The following FBXW7 variants were observed in gnomAD, a reference collection of about 807,000 sequenced individuals.
The protein encoded by FBXW7 is F-box/WD repeat-containing protein 7.
A neutral mutation model predicts 86.3 loss-of-function variants in FBXW7; 11 were observed. The observed-to-expected ratio is 0.13, with a 90% CI of 0.08 to 0.21. The LOEUF (loss-of-function observed/expected upper bound fraction) is 0.21. FBXW7 is among the 10% of genes least tolerant of loss of function. The pLI is 1.00. For synonymous variants in FBXW7, 313 were observed against 297.9 expected, an observed-to-expected ratio of 1.05 and a Z score of -0.52; for missense variants, 488 against 847.4, an observed-to-expected ratio of 0.58 and a Z score of 5.27.
At chr4:152,521,809 A>ATTTTTTT (rs575881137) in intron 2 of FBXW7, among the ~76,000 whole-genome samples, 2 of 100,694 alleles carry the variant, frequency 2.0e-5, no homozygotes, top group Non-Finnish European at 3.7e-5. Context: ...TAAGGGTCCA[A>ATTTTTTT]TTTTTTTTTT....
chr4:152,350,615 G>A (rs1477743888), intron 4 of FBXW7, among the ~76,000 whole-genome samples: 4 of 151,718 alleles, frequency 2.6e-5, no homozygotes, highest in Non-Finnish European at 5.9e-5. Flanking sequence ...CATTATAAGA[G>A]GGTAAAGAGC....
chr4:152,418,431 G>T (rs1048743364), intron 2 of FBXW7, among the ~76,000 whole-genome samples: 1 of 152,056 alleles, frequency 6.6e-6, no homozygotes, highest in African/African-American at 2.4e-5. Context: ...TGTTTCTATT[G>T]CTGTTTGGGC....
chr4:152,475,016 C>G (rs1744269737), intron 2 of FBXW7, among the ~76,000 whole-genome samples: 1 of 151,966 alleles, frequency 6.6e-6, no homozygotes, highest in African/African-American at 2.4e-5. Flanking sequence ...GTGGGAGAAT[C>G]ACTTGAACCC....
intron 7 of FBXW7, 38 bp downstream of exon 7, chr4:152,337,764 A>T (rs866930662): frequency 1.9e-6 from 3 of 1,580,266 alleles, no homozygotes; most frequent in African/African-American, 1.4e-5. Flanking sequence ...TATATATTCA[A>T]ATAACACCCA....
At chr4:152,462,679 CA>C (rs1352301828) in intron 2 of FBXW7, among the ~76,000 whole-genome samples, 14 of 152,206 alleles carry the variant, frequency 9.2e-5, no homozygotes, top group African/African-American at 3.1e-4. Context: ...GGTTACTTTC[CA>C]TGGCTTTTAA....
At chr4:152,478,125 T>C (rs528171195) in intron 2 of FBXW7, among the ~76,000 whole-genome samples, 1 of 152,134 alleles carries the variant, frequency 6.6e-6, no homozygotes, top group Non-Finnish European at 1.5e-5. Context: ...GACAATTCAG[T>C]AGCATTGAGT....
intron 2 of FBXW7, among the ~76,000 whole-genome samples, chr4:152,520,152 G>A (rs956480799): frequency 2.0e-5 from 3 of 152,068 alleles, no homozygotes; most frequent in African/African-American, 2.4e-5. Flanking sequence ...AATCATTACC[G>A]GCCGGGCGCG....
chr4:152,382,173 A>G, intron 4 of FBXW7: 1 of 1,511,036 alleles, frequency 6.6e-7, no homozygotes, highest in Non-Finnish European at 8.9e-7. Context: ...ATATTTTTCA[A>G]ATGTGTGAGA....
chr4:152,505,418 G>A (rs1443964384), intron 2 of FBXW7, among the ~76,000 whole-genome samples: 1 of 151,794 alleles, frequency 6.6e-6, no homozygotes, highest in East Asian at 1.9e-4. Context: ...TTAATTTTTT[G>A]CCTGTTTTGT....
chr4:152,381,683 T>G (rs760492523), intron 4 of FBXW7, among the ~76,000 whole-genome samples: 4 of 152,210 alleles, frequency 2.6e-5, no homozygotes, highest in Middle Eastern at 3.4e-3. Context: ...AGCATGCTAT[T>G]TTTATTTTAT....
rs1746932257 is a variant in FBXW7, at chr4:152,501,363, CTCATA to C, written c.-120+33573_-120+33577del. ...AAGTTTTCAGACATCTCCTTATATT[CTCATA>C]TCATGAGATCAAGACAGAATGAAAT... On this transcript the variant is annotated intron_variant, in intron 2 of 13. Transcript: ENST00000281708. Among the ~76,000 whole-genome samples the C allele has an allele frequency of 2.0e-5, 3 of 152,286 alleles. No individual in the cohort carries two copies. In the South Asian group the frequency reaches 6.2e-4, roughly 32 times the overall value.
At chr4:152,345,125 AT>A (rs1731130362) in intron 6 of FBXW7, among the ~76,000 whole-genome samples, 1 of 152,020 alleles carries the variant, frequency 6.6e-6, no homozygotes, top group Non-Finnish European at 1.5e-5. Context: ...TCTTTAAATT[AT>A]TTTTTTAAGG....
At chr4:152,434,597 A>G (rs924583575) in intron 2 of FBXW7, among the ~76,000 whole-genome samples, 8 of 152,118 alleles carry the variant, frequency 5.3e-5, no homozygotes, top group Non-Finnish European at 1.2e-4. Flanking sequence ...TTATAAAGAG[A>G]AAAGAGAGGT....
chr4:152,411,153 T>G, intron 4 of FBXW7, 150 bp downstream of exon 4: 1 of 1,175,720 alleles, frequency 8.5e-7, no homozygotes, highest in Non-Finnish European at 1.1e-6. Context: ...TACTTTCCAT[T>G]ACCTTCTGTA....
chr4:152,365,311 G>A (rs1733376928), intron 4 of FBXW7, among the ~76,000 whole-genome samples: 1 of 152,114 alleles, frequency 6.6e-6, no homozygotes, highest in Non-Finnish European at 1.5e-5. Context: ...AGCTAATGCT[G>A]CATAGTAGTT....
At chr4:152,511,777 C>T (rs771783085) in intron 2 of FBXW7, among the ~76,000 whole-genome samples, 1 of 152,102 alleles carries the variant, frequency 6.6e-6, no homozygotes, top group Admixed American at 6.6e-5. Context: ...AGTATGTATA[C>T]TACGCTTTTC....
Position 152,322,045 on chromosome 4 carries a change from AAAAAT to A in FBXW7, c.*831_*835del, listed in dbSNP as rs1247836735. ...TGGGACTAAAACGTCACAGCAGAAA[AAAAAT>A]AAAAAAAAATAATTTGCTTTTTTCT... On this transcript the variant is annotated 3_prime_UTR_variant, in exon 14 of 14. Coordinates refer to ENST00000281708, the MANE Select transcript of FBXW7 (RefSeq NM_001349798.2). 1 of 233,040 alleles carries A rather than the reference AAAAAT, an allele frequency of 4.3e-6. No individual in the cohort carries two copies. The highest frequency in any genetic ancestry group is 6.0e-5 in the East Asian group (1 of 16,564). The allele number at this position is 233,040 out of a possible 1,614,324, so 14.4% of individuals were successfully genotyped here. A position where few individuals can be genotyped will look rare whatever the true frequency, so the allele number is the denominator to read the frequency against.
rs142098860 is a variant in FBXW7 at position 152,478,870 on chromosome 4, C to G, written c.-120+56071G>C. Among the ~76,000 whole-genome samples the G allele has an allele frequency of 1.7e-3, 256 of 152,198 alleles. 2 individuals are homozygous for G. Among genetic ancestry groups the G allele is most frequent in the Middle Eastern group, 3.4e-3 (1 of 294 alleles). ...TATCTTCTTTGGAGAAATATCTGTT[C>G]AAGTCCTTTACCCATTTTTGAATTA... On this transcript the variant is annotated intron_variant, in intron 2 of 13. Coordinates refer to ENST00000281708, the MANE Select transcript of FBXW7 (RefSeq NM_001349798.2).
At chr4:152,394,502 C>T (rs983944636) in intron 4 of FBXW7, among the ~76,000 whole-genome samples, 2 of 151,992 alleles carry the variant, frequency 1.3e-5, no homozygotes, top group Non-Finnish European at 2.9e-5. Context: ...ACAAAATGTG[C>T]AATATCAAAC....
Sources: gnomAD v4.1 joint callset for allele counts (sites outside exome capture counted in the v4.1 genomes callset) on GRCh38, gnomAD v4.1.1 for gene constraint, MANE v1.5 for transcripts, NCBI Gene and HGNC (gene_info 2026-07-23, HGNC 2026-07-21) for gene names.